MMS19: variants seen among roughly 807,000 people sequenced by gnomAD.
The protein encoded by MMS19 is MMS19 cytosolic iron-sulfur assembly component.
In MMS19, 77 loss-of-function variants were observed where a neutral mutation model predicts 129.8. The ratio of observed to expected loss-of-function variants is 0.59; its 90% CI spans 0.49 to 0.72. The LOEUF (loss-of-function observed/expected upper bound fraction) is 0.72. Ranked by LOEUF, MMS19 falls within the 30% of genes least tolerant of loss-of-function variation. The pLI, the probability that MMS19 is intolerant of heterozygous loss-of-function variation, is 0.00. For synonymous variants in MMS19, 491 were observed against 502.8 expected (o/e 0.98, Z 0.31); for missense variants, 1,168 against 1,266.3 (o/e 0.92, Z 1.18).
rs1161340779 is a variant in MMS19, at chr10:97,480,994, C to G, written c.210G>C (p.Gln70His). ...PEPRTRARAIQLLSQVLLHCH... is the reference protein window; with the variant it reads ...PEPRTRARAIHLLSQVLLHCH... ...AGTGGAGTAGCACCTGTGACAAAAGCTGGATTGCTCGTGCCCGAGTTCGGG... is the reference window on the plus strand; with the variant it reads ...AGTGGAGTAGCACCTGTGACAAAAGGTGGATTGCTCGTGCCCGAGTTCGGG... Residue 70 changes from glutamine to histidine, a missense_variant, in exon 3 of 31, where the codon CAG (glutamine) becomes CAC (histidine). By Grantham distance (24) the Gln-to-His change is conservative (BLOSUM62 0). Around this residue, in one of 3 missense-constraint regions of MMS19, gnomAD observed 329 missense variants for 328.6 expected, o/e 1.00. Transcript: ENST00000438925. The G allele has an allele frequency of 2.5e-6, 4 of 1,610,400 alleles. No homozygotes were observed. Among genetic ancestry groups the G allele is most frequent in the Non-Finnish European group, 3.4e-6 (4 of 1,178,228 alleles).
At chr10:97,469,149 G>C (rs2034166247) in intron 11 of MMS19, 45 bp from the exon 12 acceptor site, 1 of 1,540,512 alleles carries the variant, frequency 6.5e-7, no homozygotes, top group Non-Finnish European at 8.7e-7. Context: ...GCCTGCACCA[G>C]ATGAGACCCC....
intron 10 of MMS19, 50 bp downstream of exon 10, chr10:97,470,079 C>T (rs1219363968): frequency 4.0e-6 from 5 of 1,239,062 alleles, no homozygotes; most frequent in Admixed American, 1.9e-5. Context: ...CTTTAGGACC[C>T]CTAACTTGTC....
chr10:97,491,360 A>AT (rs2038854709), intron 1 of MMS19, among the ~76,000 whole-genome samples: 3 of 152,144 alleles, frequency 2.0e-5, no homozygotes, highest in Admixed American at 6.5e-5. Context: ...CTATTTTTTC[A>AT]TTTTTTTAAA....
chr10:97,459,882 G>A (rs143326461), intron 26 of MMS19, 141 bp from the exon 27 acceptor site: 8 of 965,464 alleles, frequency 8.3e-6, no homozygotes, highest in South Asian at 8.2e-5. Context: ...AGCAAGATAC[G>A]CCCATGAAAG....
intron 26 of MMS19, 121 bp from the exon 27 acceptor site, chr10:97,459,862 G>C: frequency 1.0e-6 from 1 of 1,002,450 alleles, no homozygotes; most frequent in Non-Finnish European, 1.5e-6. Context: ...AGCCCTTCAC[G>C]CTCAGAATAA....
intron 26 of MMS19, 104 bp from the exon 27 acceptor site, chr10:97,459,845 G>C (rs2031232067): frequency 1.9e-6 from 2 of 1,049,922 alleles, no homozygotes; most frequent in African/African-American, 1.6e-5. Flanking sequence ...CTACAAACGG[G>C]TGAAAGAGCC....
At chr10:97,481,135 G>A in intron 2 of MMS19, 93 bp from the exon 3 acceptor site, 2 of 826,898 alleles carry the variant, frequency 2.4e-6, no homozygotes, top group Admixed American at 4.8e-5. Context: ...CACCCCCTGG[G>A]CATGGAAGCA....
At chr10:97,483,109 C>A (rs933442404) in intron 2 of MMS19, among the ~76,000 whole-genome samples, 2 of 152,026 alleles carry the variant, frequency 1.3e-5, no homozygotes, top group Non-Finnish European at 2.9e-5. Context: ...GGTTGGAATG[C>A]AGTGGCATGA....
chr10:97,458,647 A>G lies in MMS19; in HGVS notation c.*45T>C, dbSNP rs1466261885. 3.2e-6 allele frequency: 5 copies of G among 1,565,058 alleles called. No individual in the cohort carries two copies. The South Asian group carries it at 5.9e-5, about 18-fold the overall frequency. ...GGGGAAGATGGCTCAACAGTTAGTA[A>G]TCCCAGGTTAGATTGTCAGAACAGT... On this transcript the variant is annotated 3_prime_UTR_variant, in exon 31 of 31. Transcript: ENST00000438925.
At chr10:97,493,370 A>G (rs949092363) in intron 1 of MMS19, among the ~76,000 whole-genome samples, 15 of 152,154 alleles carry the variant, frequency 9.9e-5, no homozygotes, top group African/African-American at 2.7e-4. Flanking sequence ...AGAGGTCAGG[A>G]GTTGGAGACC....
intron 6 of MMS19, 165 bp downstream of exon 6, chr10:97,477,182 C>A: frequency 1.4e-6 from 2 of 1,480,624 alleles, no homozygotes; most frequent in Non-Finnish European, 1.8e-6. Context: ...AAACTCTACC[C>A]TTTCTTTACT....
In MMS19 at chr10:97,462,626, T is replaced by C. The variant is rs758731239; in HGVS notation, c.1969A>G (p.Met657Val). The C allele has an allele frequency of 3.1e-6, 5 of 1,613,878 alleles. No homozygotes were observed. Among genetic ancestry groups the C allele is most frequent in the Non-Finnish European group, 4.2e-6 (5 of 1,179,902 alleles). ...VLLEDEVLAAMVSVIGTATTH... is the reference protein window; with the variant it reads ...VLLEDEVLAAVVSVIGTATTH... ...GTAGCAGTGCCAATGACAGACACCATGGCAGCCAACACCTCATCCTCCAAT... is the reference window on the plus strand; with the variant it reads ...GTAGCAGTGCCAATGACAGACACCACGGCAGCCAACACCTCATCCTCCAAT... The change falls in exon 20 of 31, where the codon ATG becomes GTG. Residue 657 changes from methionine to valine, a missense_variant. By Grantham distance (21) the Met-to-Val change is conservative. Around this residue, in one of 3 missense-constraint regions of MMS19, gnomAD observed 831 missense variants for 910.8 expected, o/e 0.91. Coordinates refer to ENST00000438925, the MANE Select transcript of MMS19 (RefSeq NM_022362.5).
rs1197231989 is a variant in MMS19 at position 97,460,065 on chromosome 10, G to GC, written c.2636dup (p.Phe880LeufsTer21). 1.9e-6 allele frequency: 3 copies of GC among 1,613,876 alleles called. No individual in the cohort carries two copies. Among genetic ancestry groups the GC allele is most frequent in the African/African-American group, 2.7e-5 (2 of 74,956 alleles). On this transcript the variant is annotated frameshift_variant, in exon 26 of 31. Coordinates refer to ENST00000438925, the MANE Select transcript of MMS19 (RefSeq NM_022362.5). LOFTEE classifies it high-confidence loss of function. ...CCTCACCTTGGGGAGCAGCATGGAA[G>GC]CCCTGGACCAAAGCAGGCACATTAT... is the stretch of plus-strand genomic sequence containing the variant.
In MMS19 at chr10:97,466,178, T is replaced by G. The variant is rs1476144966; in HGVS notation, c.1506-19A>C. 2 of 1,549,342 alleles carry G rather than the reference T, an allele frequency of 1.3e-6. No individual in the cohort carries two copies. The highest frequency in any genetic ancestry group is 2.7e-5 in the African/African-American group (2 of 73,000). ...CACCCTGCTGGAGGCGCAGAGCAGA[T>G]AAGCATTGGCTGAGCCTGGGCTCAC... On this transcript the variant is annotated intron_variant, in intron 16 of 30. Transcript: ENST00000438925.
chr10:97,470,246 T>C (rs2034406793), intron 9 of MMS19, 43 bp from the exon 10 acceptor site: 1 of 1,396,986 alleles, frequency 7.2e-7, no homozygotes, highest in African/African-American at 1.4e-5. Context: ...ATGGGTGGTG[T>C]GTCAGTCACA....
In MMS19 at chr10:97,469,060, C is replaced by T. The variant is rs752370443; in HGVS notation, c.969G>A (p.Ala323=). The T allele has an allele frequency of 5.4e-5, 85 of 1,582,560 alleles. No individual in the cohort carries two copies. The South Asian group carries it at 8.4e-4, about 16-fold the overall frequency. ...ASERVEAEGL[A]ALHSLTACLS... is the part of the protein sequence containing the mutation. The stretch of plus-strand genomic sequence containing the variant: ...AACACGCAGTCAGGGAGTGGAGGGC[C>T]GCCAGGCCCTCTGCCTCCACCCGCT... Residue 323 remains alanine (A), a synonymous_variant, in exon 12 of 31, where the codon GCG becomes GCA. Transcript: ENST00000438925.
At chr10:97,484,067 G>A in intron 2 of MMS19, 36 bp downstream of exon 2, 1 of 1,395,356 alleles carries the variant, frequency 7.2e-7, no homozygotes, top group Non-Finnish European at 9.9e-7. Context: ...ACACAGTCAG[G>A]GTTGGAGAAG....
chr10:97,497,715 T>C (rs767732093), intron 1 of MMS19, among the ~76,000 whole-genome samples: 1 of 152,168 alleles, frequency 6.6e-6, no homozygotes, highest in African/African-American at 2.4e-5. Context: ...TCAAGAACTT[T>C]AGCAAGAAAC....
chr10:97,460,996 C>A lies in MMS19; in HGVS notation c.2323G>T (p.Asp775Tyr), dbSNP rs747853834. The A allele has an allele frequency of 2.6e-6, 4 of 1,559,118 alleles. No homozygotes were observed. In the Admixed American group the frequency reaches 7.7e-5, roughly 30 times the overall value. Residue 775 changes from aspartate (D) to tyrosine (Y), a missense_variant, in exon 24 of 31, where the codon GAT (aspartate) becomes TAT (tyrosine). Coordinates refer to ENST00000438925, the MANE Select transcript of MMS19 (RefSeq NM_022362.5). ...LNKHPAGQQL[D>Y]EFLQLAVDKV... is the part of the protein sequence containing the mutation. ...TCCACAGCTAGCTGTAGGAATTCAT[C>A]CAGCTGCTGCCCTAAAAAGGAGAGA...
Sources: allele counts gnomAD v4.1 joint callset (sites outside exome capture counted in the v4.1 genomes callset), GRCh38; gene constraint gnomAD v4.1.1; regional missense constraint gnomAD v4.1.1; transcripts MANE v1.5; gene names NCBI Gene and HGNC (gene_info 2026-07-23, HGNC 2026-07-21).